Variants in ADAM22 observed in about 807,000 individuals in gnomAD.
The protein encoded by ADAM22 is ADAM metallopeptidase domain 22.
Under a neutral mutation model 144.6 loss-of-function variants are expected in ADAM22, and 65 were observed. That is an observed-to-expected ratio of 0.45 (90% confidence interval 0.37 to 0.55). ADAM22 has a LOEUF of 0.55. Ranked by LOEUF, ADAM22 falls within the 20% of genes least tolerant of loss-of-function variation. The pLI, the probability that ADAM22 is intolerant of heterozygous loss-of-function variation, is 0.00. For missense variants in ADAM22, 974 were observed against 1,184.9 expected (o/e 0.82, Z 2.61); for synonymous variants, 391 against 412.6 (o/e 0.95, Z 0.63).
At chr7:87,998,840 CTATT>C (rs893002759) in intron 3 of ADAM22, among the ~76,000 whole-genome samples, 2 of 152,134 alleles carry the variant, frequency 1.3e-5, no homozygotes, top group African/African-American at 4.8e-5. Context: ...ATACATTAGA[CTATT>C]TATAGTCTTT....
chr7:88,200,620 T>C lies in ADAM22; in HGVS notation c.*4129T>C, dbSNP rs1363953731. On this transcript the variant is annotated 3_prime_UTR_variant, in exon 32 of 32. Transcript: ENST00000413139. ...TTATATTTTTCCTTTCACTTTTATG[T>C]TTTTTTCTAAAACTGCCACCTAAAT... 1 of 152,222 alleles carries C rather than the reference T, an allele frequency of 6.6e-6. No individual in the cohort carries two copies. The highest frequency in any genetic ancestry group is 1.5e-5 in the Non-Finnish European group (1 of 68,032). The allele number at this position is 152,222 out of a possible 1,614,324, so 9.4% of individuals were successfully genotyped here. A position where few individuals can be genotyped will look rare whatever the true frequency, so the allele number is the denominator to read the frequency against.
intron 4 of ADAM22, among the ~76,000 whole-genome samples, chr7:88,081,561 G>T (rs1409423456): frequency 2.0e-5 from 3 of 151,618 alleles, no homozygotes; most frequent in East Asian, 3.9e-4. Context: ...GTCCCTGTTT[G>T]CAGATGACAT....
intron 7 of ADAM22, 123 bp downstream of exon 7, chr7:88,116,937 G>A: frequency 1.5e-6 from 1 of 674,752 alleles, no homozygotes. Flanking sequence ...TTTTTAGAGG[G>A]AGAGCCAAGT....
intron 26 of ADAM22, among the ~76,000 whole-genome samples, chr7:88,171,978 A>G (rs754538285): frequency 2.6e-5 from 4 of 151,784 alleles, no homozygotes; most frequent in Non-Finnish European, 5.9e-5. Context: ...TACTGTTTTT[A>G]TATTAATAAT....
chr7:87,973,753 C>T (rs1334379911), intron 2 of ADAM22, among the ~76,000 whole-genome samples: 1 of 152,140 alleles, frequency 6.6e-6, no homozygotes, highest in Non-Finnish European at 1.5e-5. Context: ...GAATACTATG[C>T]AGCCATGAAA....
At chr7:88,106,115 T>C (rs1013170655) in intron 4 of ADAM22, among the ~76,000 whole-genome samples, 9 of 152,132 alleles carry the variant, frequency 5.9e-5, no homozygotes, top group African/African-American at 2.2e-4. Context: ...CCACATGAAG[T>C]CAGTGCCCCA....
At chr7:88,036,494 T>A (rs1482926692) in intron 3 of ADAM22, among the ~76,000 whole-genome samples, 1 of 152,158 alleles carries the variant, frequency 6.6e-6, no homozygotes, top group Non-Finnish European at 1.5e-5. Context: ...TTTATTACCA[T>A]TTGTAATGTT....
rs4728724 is a variant in ADAM22 at position 88,001,549 on chromosome 7, C to G, written c.323+23137C>G. ...AAGTAATTATCTCTTATTTAGAGAT[C>G]TGGTATATCATTGTCTCTTGAGAAT... On this transcript the variant is annotated intron_variant, in intron 3 of 31. Transcript: ENST00000413139. Among the ~76,000 whole-genome samples the G allele has an allele frequency of 5.2e-3, 789 of 152,138 alleles. 11 individuals carry two copies. Among genetic ancestry groups the G allele is most frequent in the East Asian group, 0.045 (233 of 5,146 alleles).
intron 2 of ADAM22, among the ~76,000 whole-genome samples, chr7:87,967,230 C>T (rs1032156938): frequency 6.6e-6 from 1 of 152,026 alleles, no homozygotes; most frequent in Non-Finnish European, 1.5e-5. Flanking sequence ...TGAGAACAGA[C>T]TAATACAAGT....
intron 3 of ADAM22, among the ~76,000 whole-genome samples, chr7:88,073,974 A>T (rs1813504381): frequency 6.6e-6 from 1 of 152,214 alleles, no homozygotes; most frequent in Non-Finnish European, 1.5e-5. Context: ...GCAGTTGTTA[A>T]TCAGGGTAAT....
rs557229466 is a variant in ADAM22, at chr7:88,155,939, C to T, written c.1840C>T (p.Leu614Phe). ...TACCAATATTGGCAATATCCCAAGG[C>T]TTGGAGAACTCGATGGTGAAATCAC... is the stretch of plus-strand genomic sequence containing the variant. ...LCTNIGNIPR[L>F]GELDGEITST... The change falls in exon 22 of 32, where the codon CTT (leucine) becomes TTT (phenylalanine). Residue 614 changes from leucine (L) to phenylalanine (F), a missense_variant. Physicochemically the swap from Leu to Phe is conservative, Grantham distance 22. Around this residue, in one of 2 missense-constraint regions of ADAM22, gnomAD observed 734 missense variants for 950.6 expected, o/e 0.77. Coordinates refer to ENST00000413139, the MANE Select transcript of ADAM22 (RefSeq NM_001324418.2). 5 of 1,613,298 alleles carry T rather than the reference C, an allele frequency of 3.1e-6. No homozygotes were observed. In the East Asian group the frequency reaches 6.7e-5, roughly 22 times the overall value.
chr7:87,966,942 A>G (rs977927534), intron 2 of ADAM22, among the ~76,000 whole-genome samples: 2 of 151,858 alleles, frequency 1.3e-5, no homozygotes, highest in South Asian at 2.1e-4. Flanking sequence ...ATGTCATGGG[A>G]GGGACCTGGT....
At chr7:88,082,674 A>G (rs1159465895) in intron 4 of ADAM22, among the ~76,000 whole-genome samples, 14 of 152,240 alleles carry the variant, frequency 9.2e-5, no homozygotes, top group South Asian at 4.1e-4. Context: ...AAAAGTTTGC[A>G]AAGGATATGA....
At chr7:87,995,329 A>G (rs1291034760) in intron 3 of ADAM22, among the ~76,000 whole-genome samples, 1 of 152,132 alleles carries the variant, frequency 6.6e-6, no homozygotes, top group Non-Finnish European at 1.5e-5. Flanking sequence ...ACAGGCCATA[A>G]ATTAGCCTGC....
chr7:88,092,821 G>A (rs1820298608), intron 4 of ADAM22, among the ~76,000 whole-genome samples: 1 of 152,168 alleles, frequency 6.6e-6, no homozygotes, highest in Non-Finnish European at 1.5e-5. Flanking sequence ...AGTTTATACA[G>A]GTCAGGTGTC....
intron 3 of ADAM22, among the ~76,000 whole-genome samples, chr7:87,980,296 T>TTTTTTTTTTTTTTTTTC (rs1853024448): frequency 6.6e-6 from 1 of 150,500 alleles, no homozygotes; most frequent in Non-Finnish European, 1.5e-5. Flanking sequence ...TCTTTTTTTT[T>TTTTTTTTTTTTTTTTTC]TTTGCCTGGG....
At chr7:88,020,922 G>A (rs1324481450) in intron 3 of ADAM22, among the ~76,000 whole-genome samples, 1 of 152,052 alleles carries the variant, frequency 6.6e-6, no homozygotes. Context: ...GGAACTTAAG[G>A]GGTGAGTTCT....
At chr7:88,192,758 G>A (rs940672645) in intron 30 of ADAM22, among the ~76,000 whole-genome samples, 1 of 152,004 alleles carries the variant, frequency 6.6e-6, no homozygotes, top group Non-Finnish European at 1.5e-5. Context: ...TAAAAATAAG[G>A]CACAATATTA....
intron 3 of ADAM22, among the ~76,000 whole-genome samples, chr7:88,053,608 G>A (rs1202348303): frequency 1.9e-5 from 2 of 103,522 alleles, no homozygotes; most frequent in Non-Finnish European, 4.3e-5. Flanking sequence ...AAGAAAGAAA[G>A]AAAGAAAGAA....
Sources: gnomAD v4.1 joint callset for allele counts (sites outside exome capture counted in the v4.1 genomes callset) on GRCh38, gnomAD v4.1.1 for gene constraint, gnomAD v4.1.1 regional missense constraint, MANE v1.5 for transcripts, NCBI Gene and HGNC (gene_info 2026-07-23, HGNC 2026-07-21) for gene names.